Variants in UROC1 observed in about 807,000 individuals in gnomAD.
UROC1 encodes the protein urocanate hydratase 1.
In UROC1, 79 loss-of-function variants were observed where a neutral mutation model predicts 89.5. The observed-to-expected ratio is 0.88, with a 90% CI of 0.74 to 1.06. UROC1 has a LOEUF of 1.06. UROC1 is among the 50% of genes least tolerant of loss of function. The pLI is 0.00. For synonymous variants in UROC1, 361 were observed against 354.8 expected (o/e 1.02, Z -0.20); for missense variants, 885 against 907.8 (o/e 0.97, Z 0.32).
intron 2 of UROC1, among the ~76,000 whole-genome samples, chr3:126,510,344 C>A (rs2107549820): frequency 1.3e-5 from 2 of 152,342 alleles, no homozygotes; most frequent in East Asian, 1.9e-4. Flanking sequence ...GGCAGAAAAA[C>A]AAGCCATGGT....
chr3:126,500,839 T>TC lies in UROC1; in HGVS notation c.1000dup (p.Glu334GlyfsTer145), dbSNP rs761822119. The TC allele has an allele frequency of 6.2e-7, 1 of 1,613,732 alleles. No individual in the cohort carries two copies. The highest frequency in any genetic ancestry group is 8.5e-7 in the Non-Finnish European group (1 of 1,179,994). On this transcript the variant is annotated frameshift_variant, in exon 11 of 20. Transcript: ENST00000290868. LOFTEE classifies it high-confidence loss of function. ...ATCTGACCCCAGGTCCACCAAGCAC[T>TC]CCCCCGTCGTGTCCAATTCGTGGAC...
In UROC1 at chr3:126,501,261, C is replaced by G. The variant is rs2107543442; in HGVS notation, c.922G>C (p.Glu308Gln). 1.2e-6 allele frequency: 2 copies of G among 1,614,078 alleles called. No individual in the cohort carries two copies. The highest frequency in any genetic ancestry group is 4.5e-5 in the East Asian group (2 of 44,876). The change falls in exon 10 of 20, where the codon GAG (glutamate) becomes CAG (glutamine). Residue 308 changes from glutamate to glutamine, a missense_variant. Coordinates refer to ENST00000290868, the MANE Select transcript of UROC1 (RefSeq NM_144639.3). Reference protein sequence around the residue: ...QRLREARKKKEVLSLGYHGNV... With the variant: ...QRLREARKKKQVLSLGYHGNV... ...CCATGGTAACCAAGGCTGAGCACCTCCTTTTTTTTCCTTGCTTCCCTGGAA... is the reference window on the plus strand; with the variant it reads ...CCATGGTAACCAAGGCTGAGCACCTGCTTTTTTTTCCTTGCTTCCCTGGAA...
chr3:126,501,322 T>C (rs1437628994), intron 9 of UROC1, 42 bp from the exon 10 acceptor site: 6 of 1,612,574 alleles, frequency 3.7e-6, no homozygotes, highest in Non-Finnish European at 3.4e-6. Context: ...CCTGCACCTG[T>C]GCATAGGTGC....
Position 126,489,357 on chromosome 3 carries a change from G to A in UROC1, c.1627C>T (p.Arg543Ter), listed in dbSNP as rs764391418. ...GTGCCGCTCACGTCATGGTGATCTC[G>A]GCTCAGGACCACCGGCGCCTGTGCA... The part of the protein sequence containing the change: ...RRIKAPVVLS[R>*]DHHDVSGTDS... Residue 543 changes from arginine to a stop codon, truncating the protein, a stop_gained, in exon 17 of 20, where the codon CGA becomes TGA. Coordinates refer to ENST00000290868, the MANE Select transcript of UROC1 (RefSeq NM_144639.3). LOFTEE classifies it high-confidence loss of function. 8 of 1,612,616 alleles carry A rather than the reference G, an allele frequency of 5.0e-6. No homozygotes were observed. In the Admixed American group the frequency reaches 1.0e-4, roughly 20 times the overall value.
chr3:126,509,099 G>T (rs994285274), intron 3 of UROC1, among the ~76,000 whole-genome samples: 1 of 151,912 alleles, frequency 6.6e-6, no homozygotes, highest in African/African-American at 2.4e-5. Flanking sequence ...ATCTGGGCAT[G>T]GTGGCGGGTG....
rs372807516 is a variant in UROC1, at chr3:126,501,415, T to C, written c.903-135A>G. 3.3e-5 allele frequency: 35 copies of C among 1,051,694 alleles called. No homozygotes were observed. In the East Asian group the frequency reaches 6.5e-4, roughly 20 times the overall value. 65.1% of individuals were successfully genotyped at this position (1,051,694 alleles called of 1,614,324 possible). Reference sequence around the variant, plus strand: ...GTGTTGTGTGCAAACGTGGGGGCCATGGGGCTGGGCCATGAAGCATGCCTG... The same window carrying C: ...GTGTTGTGTGCAAACGTGGGGGCCACGGGGCTGGGCCATGAAGCATGCCTG... On this transcript the variant is annotated intron_variant, in intron 9 of 19. Coordinates refer to ENST00000290868, the MANE Select transcript of UROC1 (RefSeq NM_144639.3).
intron 8 of UROC1, among the ~76,000 whole-genome samples, chr3:126,504,619 GA>G (rs2107546022): frequency 6.6e-6 from 1 of 152,304 alleles, no homozygotes; most frequent in South Asian, 2.1e-4. Flanking sequence ...GGTTACGTGA[GA>G]AAAATAAAAC....
At chr3:126,495,940 G>A in intron 15 of UROC1, 98 bp downstream of exon 15, 3 of 1,201,726 alleles carry the variant, frequency 2.5e-6, no homozygotes, top group Non-Finnish European at 3.6e-6. Context: ...CAAGCTGGAG[G>A]CTGTGGACCA....
intron 8 of UROC1, 100 bp from the exon 9 acceptor site, chr3:126,504,183 G>C: frequency 8.2e-7 from 1 of 1,215,826 alleles, no homozygotes; most frequent in South Asian, 1.2e-5. Context: ...ATCCCCTGTA[G>C]GTCCCTTGCT....
At chr3:126,508,194 C>T (rs1936114544) in intron 4 of UROC1, 99 bp from the exon 5 acceptor site, 1 of 1,603,630 alleles carries the variant, frequency 6.2e-7, no homozygotes, top group African/African-American at 1.3e-5. Context: ...CCACAGGCCC[C>T]CAGGTCTCCA....
chr3:126,506,334 C>T (rs998504080), intron 6 of UROC1, among the ~76,000 whole-genome samples: 45 of 152,268 alleles, frequency 3.0e-4, no homozygotes, highest in Middle Eastern at 3.4e-3. Context: ...TACATGCTTA[C>T]GCCAGGCAGA....
chr3:126,489,661 G>A (rs2107535041), intron 16 of UROC1, among the ~76,000 whole-genome samples: 1 of 152,292 alleles, frequency 6.6e-6, no homozygotes, highest in South Asian at 2.1e-4. Flanking sequence ...AGAAAGCGGA[G>A]GCACAGAGAG....
intron 15 of UROC1, among the ~76,000 whole-genome samples, chr3:126,494,122 G>C (rs1205888670): frequency 6.6e-6 from 1 of 152,198 alleles, no homozygotes; most frequent in Admixed American, 6.5e-5. Context: ...ACTGACATAG[G>C]ATTGCCCACT....
intron 18 of UROC1, among the ~76,000 whole-genome samples, chr3:126,487,024 G>A (rs988883980): frequency 6.6e-6 from 1 of 152,224 alleles, no homozygotes; most frequent in African/African-American, 2.4e-5. Context: ...AGAGTCTGGG[G>A]GAAACCTTGG....
chr3:126,510,516 A>G lies in UROC1; in HGVS notation c.257+148T>C. On this transcript the variant is annotated intron_variant, in intron 2 of 19. Transcript: ENST00000290868. ...GCTCCGGCTCCCGAGGCGACGACAC[A>G]GAATCTTCCCTCCCCTGCCTCCTGG... 3 of 1,368,102 alleles carry G rather than the reference A, an allele frequency of 2.2e-6. No homozygotes were observed. The South Asian group carries it at 3.8e-5, about 17-fold the overall frequency. 84.7% of individuals were successfully genotyped at this position (1,368,102 alleles called of 1,614,324 possible).
chr3:126,500,580 A>T, intron 11 of UROC1, 115 bp downstream of exon 11: 1 of 1,283,500 alleles, frequency 7.8e-7, no homozygotes, highest in Non-Finnish European at 1.1e-6. Flanking sequence ...CAGAGAGGTT[A>T]AGGTCTTGCC....
intron 5 of UROC1, 53 bp downstream of exon 5, chr3:126,507,914 C>T: frequency 6.2e-7 from 1 of 1,613,268 alleles, no homozygotes; most frequent in Non-Finnish European, 8.5e-7. Flanking sequence ...CCAGCGTCTG[C>T]ACCCTCTCTT....
At chr3:126,485,168 T>A (rs1017191239) in intron 18 of UROC1, among the ~76,000 whole-genome samples, 1 of 152,250 alleles carries the variant, frequency 6.6e-6, no homozygotes, top group Non-Finnish European at 1.5e-5. Context: ...TTAAAGTGCA[T>A]GATTCGATGA....
intron 9 of UROC1, chr3:126,501,825 G>A (rs1560122771): frequency 6.3e-7 from 1 of 1,599,486 alleles, no homozygotes; most frequent in Non-Finnish European, 8.5e-7. Context: ...AGAAGCCCGA[G>A]GGAGCCAGGC....
Sources: gnomAD v4.1 joint callset for allele counts (sites outside exome capture counted in the v4.1 genomes callset) on GRCh38, gnomAD v4.1.1 for gene constraint, MANE v1.5 for transcripts, NCBI Gene and HGNC (gene_info 2026-07-23, HGNC 2026-07-21) for gene names.